Variants in CCDC18 observed in about 807,000 individuals in gnomAD.
CCDC18 encodes coiled-coil domain containing 18, also known as coiled-coil domain-containing protein 18.
A neutral mutation model predicts 196.0 loss-of-function variants in CCDC18; 157 were observed. The observed-to-expected ratio is 0.80, with a 90% CI of 0.70 to 0.91. The LOEUF (loss-of-function observed/expected upper bound fraction) is 0.91, where lower values mean the gene tolerates loss of function less well. CCDC18 is among the 40% of genes least tolerant of loss of function. CCDC18 has a pLI of 0.00. For missense variants in CCDC18, 1,465 were observed against 1,611.6 expected (o/e 0.91, Z 1.56); for synonymous variants, 482 against 529.2 (o/e 0.91, Z 1.22).
intron 16 of CCDC18, among the ~76,000 whole-genome samples, chr1:93,225,294 C>T (rs766123740): frequency 2.0e-5 from 3 of 152,148 alleles, no homozygotes; most frequent in African/African-American, 4.8e-5. Context: ...GCGCCTTGAA[C>T]GAAAAGTACC....
chr1:93,251,733 A>G (rs1190826524), intron 23 of CCDC18, among the ~76,000 whole-genome samples: 1 of 151,678 alleles, frequency 6.6e-6, no homozygotes, highest in East Asian at 1.9e-4. Context: ...TGAGAGTTTC[A>G]TTATAATATG....
At chr1:93,180,720 C>T (rs1319827066), upstream of CCDC18, 2 of 1,360,442 alleles carry the variant, frequency 1.5e-6, no homozygotes, top group Non-Finnish European at 2.0e-6. Context: ...ACGGCTCCCG[C>T]GGCGGTTCGA....
intron 18 of CCDC18, 57 bp from the exon 19 acceptor site, chr1:93,236,191 T>C: frequency 7.2e-7 from 1 of 1,395,724 alleles, no homozygotes; most frequent in Non-Finnish European, 9.7e-7. Flanking sequence ...AGGTTACATA[T>C]TTATAAAAGT....
At chr1:93,197,038 G>GA (rs924852699) in intron 6 of CCDC18, among the ~76,000 whole-genome samples, 1 of 151,974 alleles carries the variant, frequency 6.6e-6, no homozygotes, top group African/African-American at 2.4e-5. Flanking sequence ...ACTCTTAGAG[G>GA]AAAAAATTTA....
At chr1:93,217,554 G>A (rs527694713) in intron 13 of CCDC18, among the ~76,000 whole-genome samples, 184 bp from the exon 14 acceptor site, 1 of 152,116 alleles carries the variant, frequency 6.6e-6, no homozygotes, top group African/African-American at 2.4e-5. Context: ...CCCCCTGAGC[G>A]TCCCCAGAAG....
chr1:93,210,707 A>T, intron 9 of CCDC18, 95 bp from the exon 10 acceptor site: 2 of 833,922 alleles, frequency 2.4e-6, no homozygotes, highest in Non-Finnish European at 3.7e-6. Context: ...TGTTTCCATT[A>T]AATTCATACA....
At chr1:93,236,025 A>G (rs1202582301) in intron 18 of CCDC18, among the ~76,000 whole-genome samples, 1 of 152,180 alleles carries the variant, frequency 6.6e-6, no homozygotes, top group Non-Finnish European at 1.5e-5. Context: ...AATTATTTTA[A>G]CACTTTAGTG....
At position 93,207,148 on chromosome 1, in the gene CCDC18, G is replaced by T; in HGVS notation, c.959G>T (p.Arg320Met). 6.5e-7 allele frequency: 1 copy of T among 1,545,808 alleles called. No individual in the cohort carries two copies. Among genetic ancestry groups the T allele is most frequent in the Non-Finnish European group, 8.8e-7 (1 of 1,141,200 alleles). The stretch of plus-strand genomic sequence containing the variant: ...AATAACAACGGAAAAGAAAAATTAA[G>T]GATCATGGCAGTGAAAAATTCAGAA... ...EENNNGKEKL[R>M]IMAVKNSEVM... Residue 320 changes from arginine to methionine, a missense_variant, in exon 9 of 29, where the codon AGG becomes ATG. Arg to Met is a moderately conservative substitution (Grantham distance 91). Transcript: ENST00000690025.
Position 93,214,842 on chromosome 1 carries a change from T to TTA in CCDC18, c.1595_1596insTA (p.Ile533ArgfsTer4), listed in dbSNP as rs1656228161. On this transcript the variant is annotated frameshift_variant, in exon 12 of 29. Coordinates refer to ENST00000690025, the MANE Select transcript of CCDC18 (RefSeq NM_001378204.1). LOFTEE classifies it high-confidence loss of function. ...GGAATAGAAGAACTACGTACTAAGC[T>TTA]GATACAAATAGAAGCTGAAAATTCT... 6.2e-7 allele frequency: 1 copy of TTA among 1,613,402 alleles called. No homozygotes were observed. The highest frequency in any genetic ancestry group is 2.2e-5 in the East Asian group (1 of 44,810).
intron 22 of CCDC18, 90 bp downstream of exon 22, chr1:93,246,294 G>A (rs1227257646): frequency 1.3e-6 from 1 of 768,806 alleles, no homozygotes; most frequent in Non-Finnish European, 2.1e-6. Context: ...TTGTAAAATG[G>A]GCATTTTTAT....
At chr1:93,191,205 T>G (rs1463716282) in intron 4 of CCDC18, 3 of 406,176 alleles carry the variant, frequency 7.4e-6, no homozygotes, top group African/African-American at 6.0e-5. Flanking sequence ...CGTTTTATAT[T>G]AATTCCCTTG....
intron 8 of CCDC18, 142 bp downstream of exon 8, chr1:93,205,773 G>T (rs1654615013): frequency 1.4e-6 from 1 of 736,298 alleles, no homozygotes; most frequent in Non-Finnish European, 2.2e-6. Flanking sequence ...CTGTTTTCTA[G>T]CTATAGAGTT....
Position 93,212,118 on chromosome 1 carries a change from A to G in CCDC18, c.1352A>G (p.Lys451Arg). 1.9e-6 allele frequency: 3 copies of G among 1,600,792 alleles called. No homozygotes were observed. The highest frequency in any genetic ancestry group is 2.5e-6 in the Non-Finnish European group (3 of 1,176,488). ...TGTGCCAGAATTAAGCTTGCAATAA[A>G]AGAGGCAGAAATTCAAAAGCTTCAT... ...ISELRIKLAI[K>R]EAEIQKLHAN... Residue 451 changes from lysine (K) to arginine (R), a missense_variant, in exon 11 of 29, where the codon AAA becomes AGA. Lys to Arg is a conservative substitution (Grantham distance 26). Transcript: ENST00000690025.
In CCDC18 at chr1:93,234,135, GT is replaced by G. The variant is rs202004877; in HGVS notation, c.2460+1551del. On this transcript the variant is annotated intron_variant, in intron 18 of 28. Transcript: ENST00000690025. ...TGTATGGTTTTTTCTGTTTTGTTTTGTTTTTTTTTAACAAGTTCACTTTTTT... is the reference window on the plus strand; with the variant it reads ...TGTATGGTTTTTTCTGTTTTGTTTTGTTTTTTTTAACAAGTTCACTTTTTT... 6.9e-3 allele frequency among the ~76,000 whole-genome samples: 1,034 copies of G among 149,108 alleles called. 32 individuals carry two copies. The East Asian group carries it at 0.12, about 17-fold the overall frequency.
chr1:93,250,378 CAAAAAAAA>C (rs71094242), intron 23 of CCDC18, among the ~76,000 whole-genome samples: 9 of 89,432 alleles, frequency 1.0e-4, no homozygotes, highest in African/African-American at 1.9e-4. Flanking sequence ...GAGACCCTGT[CAAAAAAAA>C]AAAAAAAAAA....
rs773670438 is a variant in CCDC18, at chr1:93,270,774, TAA to T, written c.4318_4319del (p.Lys1440ValfsTer22). ...TACATAAACAAAGAAGTAAGACTAT[TAA>T]AAAAGTCTTCTATGCAAACAGGTGC... On this transcript the variant is annotated frameshift_variant, in exon 28 of 29. Coordinates refer to ENST00000690025, the MANE Select transcript of CCDC18 (RefSeq NM_001378204.1). LOFTEE classifies it high-confidence loss of function. 2 of 1,545,184 alleles carry T rather than the reference TAA, an allele frequency of 1.3e-6. No individual in the cohort carries two copies. Among genetic ancestry groups the T allele is most frequent in the Non-Finnish European group, 1.7e-6 (2 of 1,145,250 alleles).
intron 6 of CCDC18, chr1:93,199,730 C>G (rs1338207625): frequency 6.6e-6 from 1 of 152,402 alleles, no homozygotes; most frequent in Non-Finnish European, 1.5e-5. Flanking sequence ...AGCGACAGAA[C>G]AGCTCAGAGG....
chr1:93,241,208 G>C (rs1195612721), intron 21 of CCDC18, among the ~76,000 whole-genome samples: 2 of 151,872 alleles, frequency 1.3e-5, no homozygotes, highest in African/African-American at 4.8e-5. Context: ...ATCCACCTGG[G>C]CCTCCCAAGG....
intron 28 of CCDC18, chr1:93,271,287 G>A (rs1226936953): frequency 9.1e-6 from 9 of 985,174 alleles, no homozygotes; most frequent in Non-Finnish European, 4.8e-6. Flanking sequence ...TTATTTAAAA[G>A]CATGAATAAG....
Sources: allele counts gnomAD v4.1 joint callset (sites outside exome capture counted in the v4.1 genomes callset), GRCh38; gene constraint gnomAD v4.1.1; transcripts MANE v1.5; gene names NCBI Gene and HGNC (gene_info 2026-07-23, HGNC 2026-07-21).